Variants in PLXNA4 observed in about 807,000 individuals in gnomAD.
PLXNA4 encodes the protein plexin A4, also known as plexin-A4.
In PLXNA4, 44 loss-of-function variants were observed where a neutral mutation model predicts 191.8. The ratio of observed to expected loss-of-function variants is 0.23; its 90% CI spans 0.18 to 0.29. The LOEUF is 0.29. PLXNA4 is among the 10% of genes least tolerant of loss of function. The pLI is 1.00. For synonymous variants in PLXNA4, 1,082 were observed against 1,009.5 expected, an observed-to-expected ratio of 1.07 and a Z score of -1.36; for missense variants, 1,800 against 2,488.8, an observed-to-expected ratio of 0.72 and a Z score of 5.89.
Position 132,174,895 on chromosome 7 carries a change from G to A in PLXNA4, c.3900C>T (p.Ile1300=). ...KEAFAELQTD[I]HELTSDLDGA... is the part of the protein sequence containing the mutation. ...CATCCAGGTCACTGGTCAGCTCATG[G>A]ATGTCCGTCTGCAGCTCGGCAAAGG... The change falls in exon 21 of 32, where the codon ATC becomes ATT. Residue 1300 remains isoleucine (I), a synonymous_variant. Transcript: ENST00000321063. 6.2e-7 allele frequency: 1 copy of A among 1,614,136 alleles called. No homozygotes were observed. Among genetic ancestry groups the A allele is most frequent in the Non-Finnish European group, 8.5e-7 (1 of 1,179,998 alleles).
intron 1 of PLXNA4, among the ~76,000 whole-genome samples, chr7:132,564,096 C>T (rs141272700): frequency 0.99 from 68,897 of 69,266 alleles, 34,270 homozygotes; most frequent in Middle Eastern, 1. Flanking sequence ...TCTTCCTCCT[C>T]CTCCTCCTCC....
intron 2 of PLXNA4, among the ~76,000 whole-genome samples, chr7:132,583,843 G>T (rs1304474172): frequency 6.6e-6 from 1 of 152,206 alleles, no homozygotes; most frequent in Non-Finnish European, 1.5e-5. Flanking sequence ...TCCAGAGAGA[G>T]CAGGGACCCT....
intron 1 of PLXNA4, among the ~76,000 whole-genome samples, chr7:132,561,537 C>T (rs1801070144): frequency 8.0e-6 from 1 of 124,936 alleles, no homozygotes; most frequent in Non-Finnish European, 1.7e-5. Context: ...TCCTCCTTCT[C>T]CTCCTCCTTC....
chr7:132,608,852 C>T (rs963711857), intron 2 of PLXNA4, among the ~76,000 whole-genome samples: 3 of 152,206 alleles, frequency 2.0e-5, no homozygotes, highest in African/African-American at 7.2e-5. Flanking sequence ...TCAAGGACCA[C>T]ATTCAAACTC....
intron 2 of PLXNA4, among the ~76,000 whole-genome samples, chr7:132,498,292 T>C (rs1464261218): frequency 2.0e-5 from 3 of 152,204 alleles, no homozygotes; most frequent in African/African-American, 4.8e-5. Context: ...CATTTGCTGA[T>C]AAAGACATAC....
chr7:132,237,294 A>G (rs1273581181), intron 5 of PLXNA4, among the ~76,000 whole-genome samples: 1 of 152,220 alleles, frequency 6.6e-6, no homozygotes, highest in Non-Finnish European at 1.5e-5. Flanking sequence ...AAGGAACTCA[A>G]GGACTCATTA....
At chr7:132,533,651 C>T in intron 1 of PLXNA4, among the ~76,000 whole-genome samples, 1 of 152,256 alleles carries the variant, frequency 6.6e-6, no homozygotes, top group East Asian at 1.9e-4. Flanking sequence ...CCCTGCCCAC[C>T]TCGGGGAGCT....
chr7:132,406,986 CGGG>C (rs990000125), intron 3 of PLXNA4, among the ~76,000 whole-genome samples: 7 of 152,142 alleles, frequency 4.6e-5, no homozygotes, highest in Non-Finnish European at 8.8e-5. Context: ...CAAGCCCAAA[CGGG>C]ATTTCCACTT....
intron 3 of PLXNA4, among the ~76,000 whole-genome samples, chr7:132,480,381 C>T (rs1797289840): frequency 6.6e-6 from 1 of 152,154 alleles, no homozygotes; most frequent in South Asian, 2.1e-4. Flanking sequence ...GCTAATTAGG[C>T]CCTCCATTCC....
intron 23 of PLXNA4, among the ~76,000 whole-genome samples, chr7:132,164,541 A>G (rs1050632958): frequency 1.3e-5 from 2 of 151,900 alleles, no homozygotes; most frequent in Non-Finnish European, 2.9e-5. Context: ...CCGCCTCTCC[A>G]GGGCTCTTTC....
At chr7:132,198,446 C>G in intron 13 of PLXNA4, 39 bp downstream of exon 13, 1 of 1,602,854 alleles carries the variant, frequency 6.2e-7, no homozygotes, top group South Asian at 1.1e-5. Flanking sequence ...CCCGTCTTCC[C>G]TCCCCTGTTC....
chr7:132,219,165 C>T (rs957476241), intron 9 of PLXNA4, among the ~76,000 whole-genome samples: 1 of 152,096 alleles, frequency 6.6e-6, no homozygotes, highest in African/African-American at 2.4e-5. Context: ...AAATGAAAAC[C>T]CCAGAGATTT....
At chr7:132,499,211 TCTC>T (rs1798150035) in intron 2 of PLXNA4, among the ~76,000 whole-genome samples, 1 of 152,188 alleles carries the variant, frequency 6.6e-6, no homozygotes, top group African/African-American at 2.4e-5. Context: ...CCCATGACCT[TCTC>T]CTCATTAGCT....
intron 4 of PLXNA4, among the ~76,000 whole-genome samples, chr7:132,258,628 A>G (rs1562995954): frequency 6.6e-6 from 1 of 152,126 alleles, no homozygotes; most frequent in African/African-American, 2.4e-5. Context: ...TGACCCTGTG[A>G]CACTCATGTG....
chr7:132,608,926 G>A (rs923621651), intron 2 of PLXNA4, among the ~76,000 whole-genome samples: 1 of 152,160 alleles, frequency 6.6e-6, no homozygotes, highest in African/African-American at 2.4e-5. Context: ...ACTGACACTG[G>A]TCACCCTGTG....
intron 1 of PLXNA4, among the ~76,000 whole-genome samples, chr7:132,522,391 A>T (rs1585268842): frequency 6.6e-6 from 1 of 152,332 alleles, no homozygotes; most frequent in Non-Finnish European, 1.5e-5. Context: ...TTTGGATGTC[A>T]GAGAATCTCA....
At chr7:132,215,887 C>A (rs1797948228) in intron 9 of PLXNA4, among the ~76,000 whole-genome samples, 1 of 152,292 alleles carries the variant, frequency 6.6e-6, no homozygotes, top group African/African-American at 2.4e-5. Flanking sequence ...GTATCCTTTG[C>A]AACACCCTTT....
chr7:132,175,637 A>G (rs1176813539), intron 20 of PLXNA4, among the ~76,000 whole-genome samples: 2 of 152,214 alleles, frequency 1.3e-5, no homozygotes, highest in Non-Finnish European at 2.9e-5. Flanking sequence ...AACCCCCAGG[A>G]AAGTGAGCAT....
At chr7:132,547,313 A>G (rs1325755427) in intron 1 of PLXNA4, among the ~76,000 whole-genome samples, 2 of 152,056 alleles carry the variant, frequency 1.3e-5, no homozygotes, top group Non-Finnish European at 2.9e-5. Flanking sequence ...CCAAACTACA[A>G]ACTGGTGGGA....
Sources: gnomAD v4.1 joint callset for allele counts (sites outside exome capture counted in the v4.1 genomes callset) on GRCh38, gnomAD v4.1.1 for gene constraint, MANE v1.5 for transcripts, NCBI Gene and HGNC (gene_info 2026-07-23, HGNC 2026-07-21) for gene names.